The following SUGCT variants were observed in gnomAD, a reference collection of about 807,000 sequenced individuals.
SUGCT encodes succinyl-CoA:glutarate CoA-transferase.
In SUGCT, 41 loss-of-function variants were observed where a neutral mutation model predicts 55.0. The ratio of observed to expected loss-of-function variants is 0.74; its 90% CI spans 0.58 to 0.97. SUGCT has a LOEUF of 0.97. Ranked by LOEUF, SUGCT falls within the 50% of genes least tolerant of loss-of-function variation. The pLI is 0.00. For synonymous variants in SUGCT, 187 were observed against 200.4 expected, an observed-to-expected ratio of 0.93 and a Z score of 0.56; for missense variants, 568 against 547.8, an observed-to-expected ratio of 1.04 and a Z score of -0.37.
chr7:40,640,957 A>G (rs1800243939), intron 12 of SUGCT, among the ~76,000 whole-genome samples: 1 of 152,252 alleles, frequency 6.6e-6, no homozygotes, highest in Non-Finnish European at 1.5e-5. Flanking sequence ...CTTTAAAACT[A>G]TCAGGACATT....
intron 13 of SUGCT, among the ~76,000 whole-genome samples, chr7:40,842,711 A>G (rs962443110): frequency 1.3e-5 from 2 of 152,212 alleles, no homozygotes; most frequent in African/African-American, 4.8e-5. Context: ...ACCTGTTTTT[A>G]TCCAACTTAT....
chr7:40,278,589 T>A (rs57575441), intron 8 of SUGCT, among the ~76,000 whole-genome samples: 3 of 151,958 alleles, frequency 2.0e-5, no homozygotes, highest in African/African-American at 7.3e-5. Flanking sequence ...TGCTGCATCC[T>A]GAGCTCTGTT....
At chr7:40,141,066 G>A (rs1787955593) in intron 1 of SUGCT, among the ~76,000 whole-genome samples, 1 of 151,766 alleles carries the variant, frequency 6.6e-6, no homozygotes, top group South Asian at 2.1e-4. Flanking sequence ...TCACCTTCTT[G>A]GTTAAATATA....
At chr7:40,786,738 A>G (rs1790034729) in intron 13 of SUGCT, among the ~76,000 whole-genome samples, 2 of 152,184 alleles carry the variant, frequency 1.3e-5, no homozygotes, top group African/African-American at 4.8e-5. Flanking sequence ...CACTAAAAAT[A>G]ATAGAATGCT....
intron 13 of SUGCT, among the ~76,000 whole-genome samples, chr7:40,765,438 C>G (rs1788733928): frequency 6.8e-6 from 1 of 148,022 alleles, no homozygotes; most frequent in Admixed American, 6.9e-5. Context: ...GAGCCTGATA[C>G]AAATGCTTTC....
intron 12 of SUGCT, among the ~76,000 whole-genome samples, chr7:40,541,897 G>A (rs536005526): frequency 1.3e-5 from 2 of 152,294 alleles, no homozygotes; most frequent in African/African-American, 2.4e-5. Flanking sequence ...TCATGGAGCG[G>A]GTGGCATTTG....
At chr7:40,198,331 C>T (rs144929366) in intron 6 of SUGCT, among the ~76,000 whole-genome samples, 1 of 152,176 alleles carries the variant, frequency 6.6e-6, no homozygotes, top group Non-Finnish European at 1.5e-5. Context: ...CATACTTAGA[C>T]ATATCAATAA....
At chr7:40,702,617 T>C (rs1584301168) in intron 12 of SUGCT, among the ~76,000 whole-genome samples, 1 of 152,232 alleles carries the variant, frequency 6.6e-6, no homozygotes, top group East Asian at 1.9e-4. Flanking sequence ...CACTTTAAGC[T>C]TCTCTGCTTT....
chr7:41,004,489 T>C, the SUGCT span, among the ~76,000 whole-genome samples: 1 of 152,264 alleles, frequency 6.6e-6, no homozygotes, highest in East Asian at 1.9e-4. Context: ...GCTGCAGAAC[T>C]GGAGCACTGG....
chr7:41,030,242 G>A, the SUGCT span, among the ~76,000 whole-genome samples: 1 of 150,928 alleles, frequency 6.6e-6, no homozygotes. Flanking sequence ...TTTTCCAGAG[G>A]CTTTTTTTTT....
At chr7:40,527,320 G>A (rs1220922081) in intron 12 of SUGCT, among the ~76,000 whole-genome samples, 5 of 152,178 alleles carry the variant, frequency 3.3e-5, no homozygotes, top group African/African-American at 1.2e-4. Context: ...CAGATTGATA[G>A]GTCTTTGAAA....
intron 6 of SUGCT, among the ~76,000 whole-genome samples, chr7:40,205,027 G>T (rs974814403): frequency 1.4e-4 from 22 of 152,144 alleles, no homozygotes; most frequent in African/African-American, 4.1e-4. Context: ...GCTGAGGCAG[G>T]TGGATCATCT....
At chr7:40,836,041 T>A (rs186664059) in intron 13 of SUGCT, among the ~76,000 whole-genome samples, 101 of 151,350 alleles carry the variant, frequency 6.7e-4, no homozygotes, top group African/African-American at 2.4e-3. Context: ...TACAGGTTTA[T>A]GTCACTATGC....
chr7:40,577,486 C>T (rs1261231563), intron 12 of SUGCT, among the ~76,000 whole-genome samples: 1 of 151,658 alleles, frequency 6.6e-6, no homozygotes, highest in East Asian at 1.9e-4. Flanking sequence ...TGAATGATCT[C>T]TTGTAGAGAC....
intron 9 of SUGCT, among the ~76,000 whole-genome samples, chr7:40,417,827 T>C (rs938075747): frequency 2.6e-5 from 4 of 152,050 alleles, no homozygotes; most frequent in Non-Finnish European, 4.4e-5. Flanking sequence ...TCTTTGTCGA[T>C]GACTGTTTTA....
the SUGCT span, among the ~76,000 whole-genome samples, chr7:40,974,441 C>T: frequency 2.6e-5 from 4 of 152,158 alleles, no homozygotes; most frequent in African/African-American, 9.7e-5. Context: ...CTTGCTGTCT[C>T]CATCATATGA....
intron 8 of SUGCT, among the ~76,000 whole-genome samples, chr7:40,298,872 A>T (rs1371809705): frequency 6.6e-6 from 1 of 152,044 alleles, no homozygotes; most frequent in Non-Finnish European, 1.5e-5. Context: ...CAGGTTTTAT[A>T]GTTTGTTTCT....
intron 9 of SUGCT, among the ~76,000 whole-genome samples, chr7:40,342,734 C>G (rs925211047): frequency 4.6e-5 from 7 of 152,024 alleles, no homozygotes; most frequent in African/African-American, 1.7e-4. Context: ...CCTCTGTCTC[C>G]CAGGTTCAAG....
In SUGCT at chr7:40,617,227, A is replaced by T. The variant is rs78825177; in HGVS notation, c.1089+120841A>T. ...TAATGTCTAGCTGAAAACCTTTGTC[A>T]TAAGGGGGCTTAATGAATACTTTTA... On this transcript the variant is annotated intron_variant, in intron 12 of 13. Transcript: ENST00000335693. Among the ~76,000 whole-genome samples the T allele has an allele frequency of 2.4e-4, 37 of 152,324 alleles. No homozygotes were observed. The East Asian group carries it at 7.1e-3, about 29-fold the overall frequency.
Sources: gnomAD v4.1 joint callset for allele counts (sites outside exome capture counted in the v4.1 genomes callset) on GRCh38, gnomAD v4.1.1 for gene constraint, MANE v1.5 for transcripts, NCBI Gene and HGNC (gene_info 2026-07-23, HGNC 2026-07-21) for gene names.